Variants in ARK2N observed in about 807,000 individuals in gnomAD.
ARK2N encodes arkadia (RNF111) N-terminal like PKA signaling regulator 2N.
the ARK2N span, among the ~76,000 whole-genome samples, chr18:46,229,618 G>GT: frequency 1.0e-3 from 153 of 148,372 alleles, no homozygotes; most frequent in South Asian, 2.1e-3. Context: ...TGCTGGTGTT[G>GT]TTTTTTTAAT....
chr18:46,220,141 G>GA, the ARK2N span, among the ~76,000 whole-genome samples: 8 of 152,120 alleles, frequency 5.3e-5, no homozygotes, highest in South Asian at 2.1e-4. Context: ...TATTCACACC[G>GA]AAGTTCCAAA....
chr18:46,221,571 G>C, the ARK2N span, among the ~76,000 whole-genome samples: 1 of 114,174 alleles, frequency 8.8e-6, no homozygotes, highest in Non-Finnish European at 1.9e-5. Flanking sequence ...AAAAAAAAAA[G>C]GTATTTTGAT....
At chr18:46,234,059 C>A in the ARK2N span, among the ~76,000 whole-genome samples, 5 of 152,006 alleles carry the variant, frequency 3.3e-5, no homozygotes, top group Non-Finnish European at 1.5e-5. Context: ...TGAAATTCTT[C>A]TTTTCTAAGA....
At chr18:46,217,294 T>C in the ARK2N span, 1 of 152,392 alleles carries the variant, frequency 6.6e-6, no homozygotes, top group Non-Finnish European at 1.5e-5. Flanking sequence ...CCCATTCTTA[T>C]TGCATCTGGT....
At chr18:46,247,222 A>T in the ARK2N span, among the ~76,000 whole-genome samples, 5 of 152,290 alleles carry the variant, frequency 3.3e-5, no homozygotes, top group African/African-American at 1.2e-4. Flanking sequence ...GTAGCATAGT[A>T]ACTTTTCGTT....
chr18:46,215,673 C>G, the ARK2N span: 2 of 410,152 alleles, frequency 4.9e-6, no homozygotes, highest in Non-Finnish European at 8.6e-6. Context: ...GTTGATCAAA[C>G]AAGCAGATAA....
At chr18:46,235,415 A>G in the ARK2N span, among the ~76,000 whole-genome samples, 4 of 152,250 alleles carry the variant, frequency 2.6e-5, no homozygotes, top group Admixed American at 2.6e-4. Context: ...TACATGCAAA[A>G]GTAAGCAAAC....
At chr18:46,183,919 G>A in the ARK2N span, among the ~76,000 whole-genome samples, 1 of 151,904 alleles carries the variant, frequency 6.6e-6, no homozygotes, top group Non-Finnish European at 1.5e-5. Context: ...CGTCTCCCGG[G>A]TTCAAGCGAT....
the ARK2N span, among the ~76,000 whole-genome samples, chr18:46,175,360 C>G: frequency 6.6e-6 from 1 of 152,074 alleles, no homozygotes; most frequent in African/African-American, 2.4e-5. Flanking sequence ...TTTGCTTAGG[C>G]TTTTATTGTG....
chr18:46,202,980 A>G, the ARK2N span, among the ~76,000 whole-genome samples: 1 of 152,090 alleles, frequency 6.6e-6, no homozygotes. Context: ...ACAAACAAAA[A>G]ACCAACCATG....
At chr18:46,174,837 G>C in the ARK2N span, among the ~76,000 whole-genome samples, 1 of 152,224 alleles carries the variant, frequency 6.6e-6, no homozygotes, top group South Asian at 2.1e-4. Context: ...ACCTGCCCCT[G>C]CAGCGGAGAG....
the ARK2N span, among the ~76,000 whole-genome samples, chr18:46,262,130 T>A: frequency 1.3e-5 from 2 of 152,166 alleles, no homozygotes; most frequent in Non-Finnish European, 2.9e-5. Context: ...CTTCCTCTCA[T>A]TTGAGTCAGA....
At chr18:46,237,680 A>G in the ARK2N span, among the ~76,000 whole-genome samples, 1 of 152,164 alleles carries the variant, frequency 6.6e-6, no homozygotes, top group Non-Finnish European at 1.5e-5. Context: ...GAGCCAGCAC[A>G]CCTGGCCCCA....
the ARK2N span, chr18:46,263,718 C>G: frequency 2.6e-5 from 4 of 152,696 alleles, no homozygotes; most frequent in African/African-American, 7.2e-5. Flanking sequence ...TCCCACAGCA[C>G]AGATAATTGA....
chr18:46,186,513 T>C, the ARK2N span, among the ~76,000 whole-genome samples: 1 of 145,638 alleles, frequency 6.9e-6, no homozygotes, highest in Non-Finnish European at 1.5e-5. Context: ...TTTTTTTTTT[T>C]TTTTTTTTTG....
At chr18:46,203,611 T>G in the ARK2N span, among the ~76,000 whole-genome samples, 293 of 152,232 alleles carry the variant, frequency 1.9e-3, no homozygotes, top group African/African-American at 6.8e-3. Flanking sequence ...TCTTAAGGTT[T>G]TTTTTTGAGA....
chr18:46,263,635 CAG>C, the ARK2N span: 1 of 152,874 alleles, frequency 6.5e-6, no homozygotes, highest in African/African-American at 2.4e-5. Context: ...AAATAGAAGA[CAG>C]AAGTATTAAA....
chr18:46,235,912 G>A, the ARK2N span, among the ~76,000 whole-genome samples: 7 of 26,006 alleles, frequency 2.7e-4, no homozygotes, highest in Non-Finnish European at 1.3e-3. Flanking sequence ...ACTTGAAAAG[G>A]AAACTAATTC....
the ARK2N span, among the ~76,000 whole-genome samples, chr18:46,190,998 G>C: frequency 1.3e-5 from 2 of 152,048 alleles, no homozygotes; most frequent in African/African-American, 4.8e-5. Flanking sequence ...TGTGCAACTG[G>C]TCTCTGGCCC....
Sources: gnomAD v4.1 joint callset for allele counts (sites outside exome capture counted in the v4.1 genomes callset) on GRCh38, gnomAD v4.1.1 for gene constraint, MANE v1.5 for transcripts, NCBI Gene and HGNC (gene_info 2026-07-23, HGNC 2026-07-21) for gene names.